The following ATP8A2 variants were observed in gnomAD, a reference collection of about 807,000 sequenced individuals.
ATP8A2 encodes the protein ATPase phospholipid transporting 8A2.
A neutral mutation model predicts 165.6 loss-of-function variants in ATP8A2; 100 were observed. The observed-to-expected ratio is 0.60, with a 90% confidence interval of 0.51 to 0.71. The LOEUF (loss-of-function observed/expected upper bound fraction) is 0.71, where lower values mean the gene tolerates loss of function less well. Among genes scored for constraint, ATP8A2 ranks in the 30% least tolerant of loss-of-function variants. The pLI is 0.00. For synonymous variants in ATP8A2, 543 were observed against 548.8 expected, an observed-to-expected ratio of 0.99 and a Z score of 0.15; for missense variants, 1,227 against 1,479.5, an observed-to-expected ratio of 0.83 and a Z score of 2.80.
rs191787174 is a variant in ATP8A2 at position 25,899,868 on chromosome 13, T to A, written c.3183+37460T>A. On this transcript the variant is annotated intron_variant, in intron 33 of 36. Coordinates refer to ENST00000381655, the MANE Select transcript of ATP8A2 (RefSeq NM_016529.6). ...TGATGTCTATTTCCAAAGCTCACCC[T>A]GCCTCTCTATGGGGAAAAAATAGGT... is the stretch of plus-strand genomic sequence containing the variant. Among the ~76,000 whole-genome samples, 833 of 152,302 alleles carry A rather than the reference T, an allele frequency of 5.5e-3. 7 individuals are homozygous for A. The highest frequency in any genetic ancestry group is 0.019 in the African/African-American group (795 of 41,562).
chr13:25,555,610 G>GTTTAA (rs551934637), intron 13 of ATP8A2, among the ~76,000 whole-genome samples: 293 of 151,272 alleles, frequency 1.9e-3, no homozygotes, highest in Non-Finnish European at 2.8e-3. Flanking sequence ...CTTTTTAAAT[G>GTTTAA]TTTAATTTAA....
At chr13:25,720,282 C>T (rs1453859066) in intron 25 of ATP8A2, among the ~76,000 whole-genome samples, 1 of 150,654 alleles carries the variant, frequency 6.6e-6, no homozygotes, top group Non-Finnish European at 1.5e-5. Flanking sequence ...ATTCTCCTGC[C>T]TCAGCCTGTA....
chr13:25,779,005 G>T (rs2044807990), intron 27 of ATP8A2, among the ~76,000 whole-genome samples: 1 of 152,090 alleles, frequency 6.6e-6, no homozygotes, highest in South Asian at 2.1e-4. Context: ...GGTGATGGTT[G>T]CACAAGGCTG....
At chr13:25,722,100 C>T (rs1036849459) in intron 25 of ATP8A2, among the ~76,000 whole-genome samples, 2 of 152,168 alleles carry the variant, frequency 1.3e-5, no homozygotes, top group African/African-American at 2.4e-5. Context: ...TACATCCTTG[C>T]CAATGCTGGT....
At chr13:25,600,840 A>G (rs968664436) in intron 24 of ATP8A2, among the ~76,000 whole-genome samples, 2 of 152,216 alleles carry the variant, frequency 1.3e-5, no homozygotes, top group Non-Finnish European at 2.9e-5. Flanking sequence ...ATGGAAGAAG[A>G]CAGAAATAAA....
chr13:25,990,396 A>G lies in ATP8A2; in HGVS notation c.3377+21717A>G, dbSNP rs1353524470. Among the ~76,000 whole-genome samples the G allele has an allele frequency of 7.2e-5, 11 of 152,278 alleles. No individual in the cohort carries two copies. The East Asian group carries it at 1.5e-3, about 21-fold the overall frequency. ...AACCAAGCTAGATGTGGGTGCAGAC[A>G]GTGATGAGGGGAGGGTTTCTGGGAA... On this transcript the variant is annotated intron_variant, in intron 35 of 36. Transcript: ENST00000381655.
intron 2 of ATP8A2, among the ~76,000 whole-genome samples, chr13:25,501,899 CA>C (rs972687948): frequency 3.9e-5 from 6 of 152,114 alleles, no homozygotes; most frequent in African/African-American, 7.2e-5. Flanking sequence ...GTTCAGGACA[CA>C]GAAAGACATG....
Position 25,828,126 on chromosome 13 carries a change from C to T in ATP8A2, c.2688C>T (p.Phe896=), listed in dbSNP as rs201549197. ...NVVLYIIELW[F]AFVNGFSGQI... Reference sequence around the variant, plus strand: ...GCTTTCTTCTCTTTCAGCTTTGGTTCGCCTTTGTTAATGGATTTTCTGGGC... The same window carrying T: ...GCTTTCTTCTCTTTCAGCTTTGGTTTGCCTTTGTTAATGGATTTTCTGGGC... The change falls in exon 28 of 37, where the codon TTC becomes TTT. Residue 896 remains phenylalanine, a synonymous_variant. Coordinates refer to ENST00000381655, the MANE Select transcript of ATP8A2 (RefSeq NM_016529.6). 68 of 1,613,682 alleles carry T rather than the reference C, an allele frequency of 4.2e-5. No homozygotes were observed. Among genetic ancestry groups the T allele is most frequent in the South Asian group, 2.7e-4 (25 of 91,058 alleles).
intron 25 of ATP8A2, among the ~76,000 whole-genome samples, chr13:25,737,563 G>T (rs530611701): frequency 6.6e-6 from 1 of 152,232 alleles, no homozygotes; most frequent in East Asian, 1.9e-4. Context: ...GCAGTGGCAC[G>T]ATCATGGCTC....
At chr13:25,503,777 T>A (rs2036933535) in intron 2 of ATP8A2, among the ~76,000 whole-genome samples, 1 of 152,146 alleles carries the variant, frequency 6.6e-6, no homozygotes, top group Non-Finnish European at 1.5e-5. Context: ...AAAGCCTGAA[T>A]CCTTAATGGC....
chr13:25,470,191 A>G (rs368429639), intron 2 of ATP8A2, among the ~76,000 whole-genome samples: 3 of 152,246 alleles, frequency 2.0e-5, no homozygotes, highest in East Asian at 3.8e-4. Flanking sequence ...GGGTAGAATA[A>G]TGGTGCATAT....
intron 2 of ATP8A2, among the ~76,000 whole-genome samples, chr13:25,507,429 C>T (rs995442653): frequency 2.0e-5 from 3 of 152,014 alleles, no homozygotes; most frequent in East Asian, 3.9e-4. Flanking sequence ...CCATGCCTGG[C>T]TAATTTTTGT....
chr13:25,619,575 A>G (rs2040916523), intron 24 of ATP8A2, among the ~76,000 whole-genome samples: 1 of 152,214 alleles, frequency 6.6e-6, no homozygotes, highest in African/African-American at 2.4e-5. Context: ...GAGACCAGCA[A>G]ACTATAAAAT....
intron 25 of ATP8A2, among the ~76,000 whole-genome samples, chr13:25,720,325 G>T (rs765218945): frequency 1.6e-4 from 24 of 151,688 alleles, no homozygotes; most frequent in Admixed American, 1.3e-4. Context: ...ACCATGCCAG[G>T]CTAATTTTTT....
At position 26,021,534 on chromosome 13, in the gene ATP8A2, G is replaced by A. The variant is rs1957082107; in HGVS notation, c.*1549G>A. On this transcript the variant is annotated 3_prime_UTR_variant, in exon 37 of 37. Coordinates refer to ENST00000381655, the MANE Select transcript of ATP8A2 (RefSeq NM_016529.6). The stretch of plus-strand genomic sequence containing the variant: ...GGAATCACTGACTTTCCCAACTGCA[G>A]AGTCCCACACTTAAATCTCAACAGA... 1 of 152,230 alleles carries A rather than the reference G, an allele frequency of 6.6e-6. No homozygotes were observed. Among genetic ancestry groups the A allele is most frequent in the Non-Finnish European group, 1.5e-5 (1 of 68,068 alleles). 9.4% of individuals were successfully genotyped at this position (152,230 alleles called of 1,614,324 possible).
chr13:25,597,325 T>C (rs1256187192), intron 24 of ATP8A2, among the ~76,000 whole-genome samples: 1 of 152,210 alleles, frequency 6.6e-6, no homozygotes, highest in Non-Finnish European at 1.5e-5. Flanking sequence ...CTTGAGTGTG[T>C]GTGGAACCTT....
At chr13:25,819,262 AC>A (rs1225278575) in intron 27 of ATP8A2, among the ~76,000 whole-genome samples, 2 of 152,070 alleles carry the variant, frequency 1.3e-5, no homozygotes, top group East Asian at 3.9e-4. Flanking sequence ...CATTTTACCT[AC>A]CCAAGACTCA....
intron 35 of ATP8A2, among the ~76,000 whole-genome samples, chr13:25,991,644 G>A (rs1054477654): frequency 1.3e-5 from 2 of 152,274 alleles, no homozygotes; most frequent in Non-Finnish European, 2.9e-5. Context: ...ATTCTCTGGA[G>A]TTTCATCCAG....
chr13:25,482,744 T>C (rs1283448408), intron 2 of ATP8A2, among the ~76,000 whole-genome samples: 1 of 152,188 alleles, frequency 6.6e-6, no homozygotes, highest in East Asian at 1.9e-4. Context: ...ATAAATCTTA[T>C]GAGAGCTGAT....
Sources: allele counts gnomAD v4.1 joint callset (sites outside exome capture counted in the v4.1 genomes callset), GRCh38; gene constraint gnomAD v4.1.1; transcripts MANE v1.5; gene names NCBI Gene and HGNC (gene_info 2026-07-23, HGNC 2026-07-21).